The following ASMTL variants were observed in gnomAD, a reference collection of about 807,000 sequenced individuals.
ASMTL encodes probable bifunctional dTTP/UTP pyrophosphatase/methyltransferase protein.
ASMTL carries 57 observed loss-of-function variants against 60.3 expected under a neutral mutation model. That is an observed-to-expected ratio of 0.95 (90% CI 0.76 to 1.18). The LOEUF is 1.18. Among genes scored for constraint, ASMTL ranks in the 50% most tolerant of loss-of-function variants. ASMTL has a pLI of 0.00. For synonymous variants in ASMTL, 419 were observed against 373.0 expected (o/e 1.12, Z -1.42); for missense variants, 981 against 852.6 (o/e 1.15, Z -1.88).
chrX:1,442,537 G>A (rs1306119274), intron 1 of ASMTL, among the ~76,000 whole-genome samples: 2 of 151,996 alleles, frequency 1.3e-5, no homozygotes, highest in Non-Finnish European at 2.9e-5. Flanking sequence ...GGACTGACCA[G>A]GGGCCTTCAG....
At chrX:1,425,765 G>A in intron 7 of ASMTL, 78 bp from the exon 8 acceptor site, 1 of 1,467,628 alleles carries the variant, frequency 6.8e-7, no homozygotes, top group Non-Finnish European at 9.3e-7. Context: ...AAAAGATGGA[G>A]GCCAACGCTG....
chrX:1,443,846 GAC>G (rs2091175365), intron 1 of ASMTL, among the ~76,000 whole-genome samples: 1 of 150,520 alleles, frequency 6.6e-6, no homozygotes, highest in African/African-American at 2.5e-5. Context: ...GGCCATCGAG[GAC>G]ACACACCACC....
rs770756669 is a variant in ASMTL, at chrX:1,434,839, C to T, written c.400+183G>A. Among the ~76,000 whole-genome samples, 55 of 151,818 alleles carry T rather than the reference C, an allele frequency of 3.6e-4. 2 individuals carry two copies. In the South Asian group the frequency reaches 9.4e-3, roughly 26 times the overall value. On this transcript the variant is annotated intron_variant, in intron 5 of 12. Transcript: ENST00000381317. ...AGAAAAAGAAAAAGATAAAACCACA[C>T]GTTTTCCTTTGTCCTGCAGACTTCC...
chrX:1,435,607 C>A (rs1321505914), intron 4 of ASMTL, 87 bp downstream of exon 4: 1 of 1,326,506 alleles, frequency 7.5e-7, no homozygotes, highest in East Asian at 2.3e-5. Flanking sequence ...CAGAGATCCA[C>A]CCTGCTCCCC....
intron 1 of ASMTL, 33 bp from the exon 2 acceptor site, chrX:1,442,350 A>G: frequency 1.2e-6 from 2 of 1,612,506 alleles, no homozygotes; most frequent in Non-Finnish European, 1.7e-6. Context: ...AGAAGGGTCA[A>G]TGAAAGACCC....
chrX:1,445,259 T>C (rs1239594543), intron 1 of ASMTL, among the ~76,000 whole-genome samples: 8 of 151,982 alleles, frequency 5.3e-5, no homozygotes, highest in Non-Finnish European at 1.0e-4. Context: ...TGGGTCTCTG[T>C]CTTTTGTCTG....
Position 1,452,906 on chromosome X carries a change from G to A in ASMTL, c.-66C>T, listed in dbSNP as rs2091432433. Reference sequence around the variant, plus strand: ...CGGAGCCCGCGGTGCGCGCAGCGCGGCTGCAAAAAAAACAGGCGGCCAGAG... The same window carrying A: ...CGGAGCCCGCGGTGCGCGCAGCGCGACTGCAAAAAAAACAGGCGGCCAGAG... On this transcript the variant is annotated 5_prime_UTR_variant, in exon 1 of 13. Transcript: ENST00000381317. 5 of 1,309,476 alleles carry A rather than the reference G, an allele frequency of 3.8e-6. No homozygotes were observed. Among genetic ancestry groups the A allele is most frequent in the African/African-American group, 1.6e-5 (1 of 64,080 alleles). 81.1% of individuals were successfully genotyped at this position (1,309,476 alleles called of 1,614,324 possible).
In ASMTL at chrX:1,435,744, C is replaced by T; in HGVS notation, c.288G>A (p.Leu96=). 2 of 1,613,654 alleles carry T rather than the reference C, an allele frequency of 1.2e-6. No homozygotes were observed. Among genetic ancestry groups the T allele is most frequent in the Non-Finnish European group, 1.7e-6 (2 of 1,179,796 alleles). Residue 96 remains leucine, a synonymous_variant, in exon 4 of 13, where the codon CTG becomes CTA. Coordinates refer to ENST00000381317, the MANE Select transcript of ASMTL (RefSeq NM_004192.4). ...GCTTGTCCACCGGCTTCTCCAGAAT[C>T]AGCCCCCCGACTGTCTGTGAGAGGA... ...GADTIVTVGG[L]ILEKPVDKQD... is the part of the protein sequence containing the mutation.
intron 6 of ASMTL, among the ~76,000 whole-genome samples, chrX:1,429,186 C>T (rs749898314): frequency 3.4e-4 from 51 of 151,712 alleles, no homozygotes; most frequent in Non-Finnish European, 5.3e-4. Flanking sequence ...TGAACCACCA[C>T]GTCTGGCCCT....
intron 12 of ASMTL, among the ~76,000 whole-genome samples, chrX:1,405,926 G>GTGGATGGA (rs765177385): frequency 6.8e-6 from 1 of 147,496 alleles, no homozygotes; most frequent in Non-Finnish European, 1.5e-5. Context: ...AGGTAGATGA[G>GTGGATGGA]TGGATGGATG....
chrX:1,430,031 A>G (rs181122772), intron 6 of ASMTL, among the ~76,000 whole-genome samples: 1 of 149,864 alleles, frequency 6.7e-6, no homozygotes, highest in Non-Finnish European at 1.5e-5. Flanking sequence ...TTTTTTTTTT[A>G]AAAGACGGAG....
intron 1 of ASMTL, among the ~76,000 whole-genome samples, chrX:1,450,015 C>G (rs1395570630): frequency 6.6e-6 from 1 of 150,630 alleles, no homozygotes; most frequent in East Asian, 2.0e-4. Context: ...CAGTAACTAT[C>G]TCCCATCACC....
intron 12 of ASMTL, among the ~76,000 whole-genome samples, chrX:1,407,439 A>G (rs1225529048): frequency 6.7e-6 from 1 of 148,226 alleles, no homozygotes; most frequent in Non-Finnish European, 1.5e-5. Flanking sequence ...ATGGGTGAAT[A>G]GATGGTAGAT....
In ASMTL at chrX:1,412,879, C is replaced by T. The variant is rs200655609; in HGVS notation, c.1523-25G>A. 153 of 1,613,492 alleles carry T rather than the reference C, an allele frequency of 9.5e-5. 1 individual carries two copies. The Admixed American group carries it at 2.4e-3, about 25-fold the overall frequency. On this transcript the variant is annotated intron_variant, in intron 11 of 12. Coordinates refer to ENST00000381317, the MANE Select transcript of ASMTL (RefSeq NM_004192.4). ...CCTGGTTTAAAGACAAAACGAGATACGTCCGTCAGGTATGGAAGAAGCAGT... is the reference window on the plus strand; with the variant it reads ...CCTGGTTTAAAGACAAAACGAGATATGTCCGTCAGGTATGGAAGAAGCAGT...
chrX:1,421,061 G>C (rs1259781961), intron 9 of ASMTL, among the ~76,000 whole-genome samples: 1 of 151,704 alleles, frequency 6.6e-6, no homozygotes, highest in Non-Finnish European at 1.5e-5. Flanking sequence ...CCGGGTTCAA[G>C]TGATTCTCCT....
chrX:1,443,350 A>ACACGCCGCCATCGTGGACACACG (rs2091157475), intron 1 of ASMTL, among the ~76,000 whole-genome samples: 1 of 44,176 alleles, frequency 2.3e-5, no homozygotes, highest in African/African-American at 4.5e-5. Flanking sequence ...TTGGACAGAC[A>ACACGCCGCCATCGTGGACACACG]CCGCCATCTT....
chrX:1,435,638 A>T (rs1470713809), intron 4 of ASMTL, 56 bp downstream of exon 4: 2 of 1,570,942 alleles, frequency 1.3e-6, no homozygotes, highest in African/African-American at 2.7e-5. Context: ...GCCAGATACC[A>T]CAGCTACTCT....
chrX:1,451,966 G>A (rs2091402226), intron 1 of ASMTL, among the ~76,000 whole-genome samples: 1 of 148,222 alleles, frequency 6.7e-6, no homozygotes, highest in African/African-American at 2.5e-5. Context: ...AGGGCGTCCT[G>A]GGTTACTCTC....
At chrX:1,443,575 ATGGACACACACCGCCATCT>A (rs1569534776) in intron 1 of ASMTL, among the ~76,000 whole-genome samples, 3 of 133,376 alleles carry the variant, frequency 2.2e-5, no homozygotes, top group Non-Finnish European at 4.7e-5. Context: ...CACCGCCATC[ATGGACACACACCGCCATCT>A]TGGACAGACA....
Sources: allele counts gnomAD v4.1 joint callset (sites outside exome capture counted in the v4.1 genomes callset), GRCh38; gene constraint gnomAD v4.1.1; transcripts MANE v1.5; gene names NCBI Gene and HGNC (gene_info 2026-07-23, HGNC 2026-07-21).